The following NPIPA5 variants were observed in gnomAD, a reference collection of about 807,000 sequenced individuals.
NPIPA5 encodes nuclear pore complex interacting protein family member A5.
NPIPA5 carries 6 observed loss-of-function variants against 21.4 expected under a neutral mutation model. The ratio of observed to expected loss-of-function variants is 0.28; its 90% CI spans 0.15 to 0.55. The LOEUF (loss-of-function observed/expected upper bound fraction) is 0.55. Among genes scored for constraint, NPIPA5 ranks in the 20% least tolerant of loss-of-function variants. The probability of loss-of-function intolerance (pLI) is 0.93; values close to 1 mark genes in which losing one functional copy is unlikely to be tolerated. For missense variants in NPIPA5, 99 were observed against 318.2 expected (o/e 0.31, Z 5.24); for synonymous variants, 33 against 115.3 (o/e 0.29, Z 4.57).
At chr16:15,371,177 GTAAT>G (rs1218300082) in intron 2 of NPIPA5, among the ~76,000 whole-genome samples, 2 of 144,782 alleles carry the variant, frequency 1.4e-5, no homozygotes, top group African/African-American at 2.5e-5. Context: ...TGAAAAGGAA[GTAAT>G]TAATTACCTT....
chr16:15,379,748 G>A (rs1321965025), upstream of NPIPA5, among the ~76,000 whole-genome samples: 1 of 151,504 alleles, frequency 6.6e-6, no homozygotes, highest in Admixed American at 6.6e-5. Flanking sequence ...GGGTTGACAC[G>A]AGCCTGGCCA....
upstream of NPIPA5, among the ~76,000 whole-genome samples, chr16:15,379,985 CTGTGTG>C (rs370938234): frequency 2.2e-4 from 31 of 143,594 alleles, no homozygotes; most frequent in African/African-American, 3.0e-4. Flanking sequence ...GTGTGTGTGT[CTGTGTG>C]TGTGTGTGTG....
rs1237702353 is a variant in NPIPA5 at position 15,372,497 on chromosome 16, G to GA, written c.192+1217dup. Among the ~76,000 whole-genome samples, 184 of 122,004 alleles carry GA rather than the reference G, an allele frequency of 1.5e-3. 7 individuals are homozygous for GA. The highest frequency in any genetic ancestry group is 4.2e-3 in the Middle Eastern group (1 of 240). The allele number at this position is 122,004 out of a possible 152,430, so 80.0% of individuals were successfully genotyped here. On this transcript the variant is annotated intron_variant, in intron 2 of 7. Transcript: ENST00000360151. ...GAGACTCCTCTTGGGGGTGAGAAAA[G>GA]AAAAAAAAAAAAAGCTTCCTCCAAT...
chr16:15,367,353 A>C lies in NPIPA5; in HGVS notation c.438-593T>G, dbSNP rs571393436. ...TGTCATCGACTTTAAAGATCCTGAA[A>C]AGGCAATCTGAATGCTGGGCGCATC... is the stretch of plus-strand genomic sequence containing the variant. On this transcript the variant is annotated intron_variant, in intron 4 of 7. Coordinates refer to ENST00000360151, the MANE Select transcript of NPIPA5 (RefSeq NM_001277325.2). Among the ~76,000 whole-genome samples the C allele has an allele frequency of 7.2e-4, 109 of 152,232 alleles. 1 individual carries two copies. Among genetic ancestry groups the C allele is most frequent in the African/African-American group, 2.5e-3 (105 of 41,500 alleles).
intron 4 of NPIPA5, among the ~76,000 whole-genome samples, chr16:15,368,484 C>T (rs2050044347): frequency 6.6e-6 from 1 of 151,948 alleles, no homozygotes; most frequent in Non-Finnish European, 1.5e-5. Flanking sequence ...AAAAAAAGAT[C>T]AGTCATATGG....
chr16:15,374,404 G>T (rs2050235988), intron 1 of NPIPA5, among the ~76,000 whole-genome samples: 1 of 151,672 alleles, frequency 6.6e-6, no homozygotes, highest in African/African-American at 2.4e-5. Flanking sequence ...TCACCATGTT[G>T]GCCAGTCTGG....
chr16:15,379,755 G>A (rs1023416975), upstream of NPIPA5, among the ~76,000 whole-genome samples: 14 of 152,038 alleles, frequency 9.2e-5, no homozygotes, highest in Non-Finnish European at 2.9e-5. Flanking sequence ...CACGAGCCTG[G>A]CCAATATGGT....
Position 15,363,765 on chromosome 16 carries a change from A to C in NPIPA5, c.947T>G (p.Leu316Arg). 3 of 1,292,392 alleles carry C rather than the reference A, an allele frequency of 2.3e-6. No individual in the cohort carries two copies. The highest frequency in any genetic ancestry group is 3.0e-6 in the Non-Finnish European group (3 of 987,068). 80.1% of individuals were successfully genotyped at this position (1,292,392 alleles called of 1,614,324 possible). A position where few individuals can be genotyped will look rare whatever the true frequency, so the allele number is the denominator to read the frequency against. Residue 316 changes from leucine (L) to arginine (R), a missense_variant, in exon 8 of 8, where the codon CTT becomes CGT. Transcript: ENST00000360151. Reference protein sequence around the residue: ...KTPAECLLTPLPPSAPPSADD... With the variant: ...KTPAECLLTPRPPSAPPSADD... ...CGCTGAGGGTGGAGCTGAGGGTGGA[A>C]GGGGAGTGAGCAGACACTCGGCAGG...
At chr16:15,379,339 G>A (rs1233180466), upstream of NPIPA5, among the ~76,000 whole-genome samples, 2 of 152,060 alleles carry the variant, frequency 1.3e-5, no homozygotes, top group Admixed American at 6.6e-5. Flanking sequence ...GGAGGCCGAG[G>A]TGGGCGGATC....
At chr16:15,376,184 G>A (rs2050287121) in intron 1 of NPIPA5, among the ~76,000 whole-genome samples, 1 of 150,432 alleles carries the variant, frequency 6.6e-6, no homozygotes, top group African/African-American at 2.4e-5. Context: ...CCTATGATAA[G>A]AAAGAGACTG....
chr16:15,370,421 G>GTC lies in NPIPA5; in HGVS notation c.193-304_193-303dup, dbSNP rs1165239948. 2.3e-4 allele frequency among the ~76,000 whole-genome samples: 17 copies of GTC among 73,300 alleles called. 1 individual carries two copies. The highest frequency in any genetic ancestry group is 5.0e-4 in the Non-Finnish European group (16 of 31,732). The allele number at this position is 73,300 out of a possible 152,430, so 48.1% of individuals were successfully genotyped here. On this transcript the variant is annotated intron_variant, in intron 2 of 7. Coordinates refer to ENST00000360151, the MANE Select transcript of NPIPA5 (RefSeq NM_001277325.2). Reference sequence around the variant, plus strand: ...AGCCTGAGTGACAGAATGAGACTCTGTCACACACACACACACACACACACA... The same window carrying GTC: ...AGCCTGAGTGACAGAATGAGACTCTGTCTCACACACACACACACACACACACA...
At chr16:15,371,165 C>G (rs2050147449) in intron 2 of NPIPA5, among the ~76,000 whole-genome samples, 1 of 144,772 alleles carries the variant, frequency 6.9e-6, no homozygotes, top group South Asian at 2.3e-4. Context: ...TGTTTCACAA[C>G]TTGAAAAGGA....
intron 4 of NPIPA5, among the ~76,000 whole-genome samples, chr16:15,368,049 A>T (rs2050025303): frequency 1.1e-5 from 1 of 87,676 alleles, no homozygotes; most frequent in Non-Finnish European, 2.3e-5. Flanking sequence ...CATGAGGTGA[A>T]GATGGAGAAG....
At chr16:15,368,264 A>T (rs1049587251) in intron 4 of NPIPA5, among the ~76,000 whole-genome samples, 6 of 149,836 alleles carry the variant, frequency 4.0e-5, no homozygotes, top group African/African-American at 1.5e-4. Flanking sequence ...GTTGAGACCC[A>T]GAAGAGTCAT....
intron 1 of NPIPA5, among the ~76,000 whole-genome samples, chr16:15,375,879 C>T (rs1247710274): frequency 6.6e-6 from 1 of 151,788 alleles, no homozygotes; most frequent in African/African-American, 2.4e-5. Flanking sequence ...TGAGTAAGTT[C>T]AGACAGCTTG....
At chr16:15,375,760 AT>A (rs995147825) in intron 1 of NPIPA5, among the ~76,000 whole-genome samples, 1 of 148,990 alleles carries the variant, frequency 6.7e-6, no homozygotes, top group African/African-American at 2.5e-5. Context: ...AAAAAAAAAA[AT>A]TACCAAGGTG....
At position 15,375,962 on chromosome 16, in the gene NPIPA5, C is replaced by T. The variant is rs1384063324; in HGVS notation, c.64-2119G>A. On this transcript the variant is annotated intron_variant, in intron 1 of 7. Coordinates refer to ENST00000360151, the MANE Select transcript of NPIPA5 (RefSeq NM_001277325.2). ...GAAAACATCTCAATTTTAAATGTTTCTTTCAAGATGGTGAATTAAACAGAG... is the reference window on the plus strand; with the variant it reads ...GAAAACATCTCAATTTTAAATGTTTTTTTCAAGATGGTGAATTAAACAGAG... Among the ~76,000 whole-genome samples the T allele has an allele frequency of 3.3e-5, 5 of 150,054 alleles. No individual in the cohort carries two copies. In the East Asian group the frequency reaches 5.9e-4, roughly 18 times the overall value.
At chr16:15,374,200 T>C (rs534477243) in intron 1 of NPIPA5, among the ~76,000 whole-genome samples, 3 of 151,360 alleles carry the variant, frequency 2.0e-5, no homozygotes, top group Non-Finnish European at 4.4e-5. Context: ...AAAAAATTTT[T>C]TTTTTTTTTT....
intron 2 of NPIPA5, among the ~76,000 whole-genome samples, chr16:15,371,977 C>A (rs2050167308): frequency 6.9e-6 from 1 of 143,954 alleles, no homozygotes; most frequent in Non-Finnish European, 1.5e-5. Context: ...GGAAAGGTAG[C>A]TGGCCCAGTT....
Sources: allele counts gnomAD v4.1 joint callset (sites outside exome capture counted in the v4.1 genomes callset), GRCh38; gene constraint gnomAD v4.1.1; transcripts MANE v1.5; gene names NCBI Gene and HGNC (gene_info 2026-07-23, HGNC 2026-07-21).